ACCS: variants seen among roughly 807,000 people sequenced by gnomAD.
The protein encoded by ACCS is 1-aminocyclopropane-1-carboxylate synthase-like protein 1.
Under a neutral mutation model 59.8 loss-of-function variants are expected in ACCS, and 42 were observed. The observed-to-expected ratio is 0.70, with a 90% CI of 0.55 to 0.91. The LOEUF is 0.91. Ranked by LOEUF, ACCS falls within the 40% of genes least tolerant of loss-of-function variation. The pLI, the probability that ACCS is intolerant of heterozygous loss-of-function variation, is 0.00. For missense variants in ACCS, 602 were observed against 630.4 expected, an observed-to-expected ratio of 0.95 and a Z score of 0.48; for synonymous variants, 230 against 240.3, an observed-to-expected ratio of 0.96 and a Z score of 0.40.
intron 7 of ACCS, 46 bp downstream of exon 7, chr11:44,077,422 C>G: frequency 6.2e-7 from 1 of 1,610,746 alleles, no homozygotes; most frequent in Non-Finnish European, 8.5e-7. Context: ...TGCCTGTGGT[C>G]AAGAGTTTCC....
intron 6 of ACCS, 198 bp downstream of exon 6, chr11:44,075,790 T>C: frequency 1.7e-6 from 1 of 583,500 alleles, no homozygotes; most frequent in South Asian, 2.6e-5. Context: ...GATGTCAGGG[T>C]CCTGGGCTTT....
chr11:44,072,176 A>ATTTATTTATTTATTTT (rs1565172480), intron 3 of ACCS: 1 of 151,980 alleles, frequency 6.6e-6, no homozygotes, highest in Non-Finnish European at 1.5e-5. Context: ...TTATTTATTT[A>ATTTATTTATTTATTTT]AGATGGAGTC....
intron 6 of ACCS, 81 bp downstream of exon 6, chr11:44,075,673 G>A (rs1953325621): frequency 6.6e-7 from 1 of 1,511,552 alleles, no homozygotes; most frequent in Non-Finnish European, 9.1e-7. Flanking sequence ...CTCAAGGGCT[G>A]CAATAGTATG....
rs891786499 is a variant in ACCS at position 44,079,586 on chromosome 11, T to G, written c.889T>G (p.Ser297Ala). ...EVYMLSVFEK[S>A]VGYRSVLSLE... ...CTACATGCTGTCCGTGTTTGAGAAG[T>G]CTGTTGGGTACCGCAGTGTCCTAAG... The change falls in exon 10 of 15, where the codon TCT becomes GCT. Residue 297 changes from serine (S) to alanine (A), a missense_variant. By Grantham distance (99) the Ser-to-Ala change is moderately conservative. Transcript: ENST00000263776. 1.2e-6 allele frequency: 2 copies of G among 1,612,170 alleles called. No homozygotes were observed. The highest frequency in any genetic ancestry group is 1.7e-6 in the Non-Finnish European group (2 of 1,179,452).
intron 13 of ACCS, 30 bp downstream of exon 13, chr11:44,083,341 G>A (rs779731194): frequency 3.7e-6 from 6 of 1,612,854 alleles, no homozygotes; most frequent in African/African-American, 1.3e-5. Flanking sequence ...GGGCTGAGAG[G>A]GAGTTTCAGG....
chr11:44,069,466 C>T (rs1345084290), intron 2 of ACCS, among the ~76,000 whole-genome samples: 2 of 152,214 alleles, frequency 1.3e-5, no homozygotes, highest in African/African-American at 4.8e-5. Context: ...ATCCGCCTGC[C>T]TCCGCCTCCC....
chr11:44,075,154 G>C (rs913498090), intron 5 of ACCS, among the ~76,000 whole-genome samples: 1 of 152,144 alleles, frequency 6.6e-6, no homozygotes, highest in African/African-American at 2.4e-5. Flanking sequence ...TGGCCTGAGA[G>C]TAAGCTGGGG....
chr11:44,084,177 C>CAA lies in ACCS; in HGVS notation c.*387_*388dup. On this transcript the variant is annotated 3_prime_UTR_variant, in exon 15 of 15. Transcript: ENST00000263776. ...TTTCTTTGTCACCAAGGAAACGAGT[C>CAA]AAAGGAACAGCACATACAGGAGAGT... 2 of 204,998 alleles carry CAA rather than the reference C, an allele frequency of 9.8e-6. No individual in the cohort carries two copies. The highest frequency in any genetic ancestry group is 2.0e-4 in the South Asian group (2 of 10,178). 12.7% of individuals were successfully genotyped at this position (204,998 alleles called of 1,614,324 possible). A position where few individuals can be genotyped will look rare whatever the true frequency, so the allele number is the denominator to read the frequency against.
Position 44,083,217 on chromosome 11 carries a change from C to T in ACCS, c.1160C>T (p.Ala387Val). The change falls in exon 13 of 15, where the codon GCT (alanine) becomes GTT (valine). Residue 387 changes from alanine to valine, a missense_variant. Physicochemically the swap from Ala to Val is moderately conservative, Grantham distance 64. Transcript: ENST00000263776. ...YLPENHARLK[A>V]AHTYVSEELR... Reference sequence around the variant, plus strand: ...CCGGAAAACCATGCCCGGCTCAAGGCTGCCCACACCTATGTCTCAGAAGAG... The same window carrying T: ...CCGGAAAACCATGCCCGGCTCAAGGTTGCCCACACCTATGTCTCAGAAGAG... 6.2e-7 allele frequency: 1 copy of T among 1,614,236 alleles called. No homozygotes were observed. Among genetic ancestry groups the T allele is most frequent in the Non-Finnish European group, 8.5e-7 (1 of 1,180,044 alleles).
chr11:44,083,330 C>G lies in ACCS; in HGVS notation c.1254+19C>G. 1.2e-6 allele frequency: 2 copies of G among 1,613,566 alleles called. No individual in the cohort carries two copies. Among genetic ancestry groups the G allele is most frequent in the Admixed American group, 1.7e-5 (1 of 60,014 alleles). On this transcript the variant is annotated intron_variant, in intron 13 of 14. Coordinates refer to ENST00000263776, the MANE Select transcript of ACCS (RefSeq NM_032592.4). ...GAGAAAGGTAATGCTGGTGGAGGTGCGGGCTGAGAGGGAGTTTCAGGTCTC... is the reference window on the plus strand; with the variant it reads ...GAGAAAGGTAATGCTGGTGGAGGTGGGGGCTGAGAGGGAGTTTCAGGTCTC...
In ACCS at chr11:44,067,870, C is replaced by T. The variant is rs1395190473; in HGVS notation, c.243C>T (p.Tyr81=). 3.1e-6 allele frequency: 5 copies of T among 1,613,186 alleles called. 1 individual carries two copies. Among genetic ancestry groups the T allele is most frequent in the Non-Finnish European group, 2.5e-6 (3 of 1,179,490 alleles). ...KWFWDSAEEG[Y]RTYHMDEYDE... Reference sequence around the variant, plus strand: ...TCTGGGATTCAGCTGAGGAGGGCTACAGGACCTACCACATGGATGAGTATG... The same window carrying T: ...TCTGGGATTCAGCTGAGGAGGGCTATAGGACCTACCACATGGATGAGTATG... The change falls in exon 2 of 15, where the codon TAC becomes TAT. Residue 81 remains tyrosine, a synonymous_variant. Coordinates refer to ENST00000263776, the MANE Select transcript of ACCS (RefSeq NM_032592.4).
chr11:44,079,397 C>G, intron 9 of ACCS, 134 bp from the exon 10 acceptor site: 1 of 656,234 alleles, frequency 1.5e-6, no homozygotes, highest in Non-Finnish European at 2.7e-6. Context: ...GAATGGTGTT[C>G]TTGGAAAAAC....
Position 44,078,743 on chromosome 11 carries a change from C to T in ACCS, c.792C>T (p.Tyr264=), listed in dbSNP as rs760993258. Residue 264 remains tyrosine, a synonymous_variant, in exon 9 of 15, where the codon TAC becomes TAT. Coordinates refer to ENST00000263776, the MANE Select transcript of ACCS (RefSeq NM_032592.4). ...CCCAGAACCCTCTGGGTGATGTATA[C>T]TCCCCTGAAGAGCTACAGGAGTACC... The part of the protein sequence containing the change: ...ISPQNPLGDV[Y]SPEELQEYLV... 1.9e-6 allele frequency: 3 copies of T among 1,614,104 alleles called. No homozygotes were observed. The highest frequency in any genetic ancestry group is 2.2e-5 in the South Asian group (2 of 91,066).
In ACCS at chr11:44,084,090, C is replaced by G. The variant is rs1026983709; in HGVS notation, c.*298C>G. On this transcript the variant is annotated 3_prime_UTR_variant, in exon 15 of 15. Coordinates refer to ENST00000263776, the MANE Select transcript of ACCS (RefSeq NM_032592.4). The stretch of plus-strand genomic sequence containing the variant: ...GCTTCTAACCAGAGCCTCAGCCCCC[C>G]TGAGGATGTGAAAAGAAAACAAACA... The G allele has an allele frequency of 3.0e-6, 1 of 334,930 alleles. No homozygotes were observed. Among genetic ancestry groups the G allele is most frequent in the Non-Finnish European group, 5.3e-6 (1 of 189,498 alleles). 20.7% of individuals were successfully genotyped at this position (334,930 alleles called of 1,614,324 possible).
intron 2 of ACCS, 137 bp downstream of exon 2, chr11:44,068,052 G>A (rs2134805482): frequency 1.0e-6 from 1 of 976,206 alleles, no homozygotes; most frequent in South Asian, 1.8e-5. Context: ...GAGGGCTTCT[G>A]ATGTAGCTTA....
chr11:44,074,750 T>TTCTTTCTTTCTTTTTCTTTCTTTCTTTC (rs1953245905), intron 5 of ACCS, 69 bp downstream of exon 5: 3 of 369,536 alleles, frequency 8.1e-6, no homozygotes, highest in African/African-American at 3.0e-5. Flanking sequence ...CTTTCTTTCT[T>TTCTTTCTTTCTTTTTCTTTCTTTCTTTC]TCTTTCTTTC....
chr11:44,079,777 C>G (rs79087227), intron 10 of ACCS, among the ~76,000 whole-genome samples, 157 bp downstream of exon 10: 18,585 of 152,200 alleles, frequency 0.12, 1,144 homozygotes, highest in Middle Eastern at 0.19. Context: ...GAAGCAGGGA[C>G]GGTTGGGCTA....
intron 2 of ACCS, 77 bp from the exon 3 acceptor site, chr11:44,071,179 G>T: frequency 6.6e-7 from 1 of 1,507,782 alleles, no homozygotes; most frequent in South Asian, 1.1e-5. Context: ...TTGCTTTGCT[G>T]CCTCCATGGG....
Position 44,067,068 on chromosome 11 carries a change from G to T in ACCS, c.-1+367G>T, listed in dbSNP as rs375117937. 679 of 155,136 alleles carry T rather than the reference G, an allele frequency of 4.4e-3. 2 individuals are homozygous for T. Among genetic ancestry groups the T allele is most frequent in the South Asian group, 0.014 (72 of 5,002 alleles). 9.6% of individuals were successfully genotyped at this position (155,136 alleles called of 1,614,324 possible). ...GCAGGAGTAGACCACCCTCTCCTTG[G>T]TGTCCACACCTCGTTTCTTCAGGAC... On this transcript the variant is annotated intron_variant, in intron 1 of 14. Coordinates refer to ENST00000263776, the MANE Select transcript of ACCS (RefSeq NM_032592.4).
Sources: allele counts gnomAD v4.1 joint callset (sites outside exome capture counted in the v4.1 genomes callset), GRCh38; gene constraint gnomAD v4.1.1; transcripts MANE v1.5; gene names NCBI Gene and HGNC (gene_info 2026-07-23, HGNC 2026-07-21).